The following DGKB variants were observed in gnomAD, a reference collection of about 807,000 sequenced individuals.
DGKB encodes diacylglycerol kinase beta.
Under a neutral mutation model 114.3 loss-of-function variants are expected in DGKB, and 67 were observed. The ratio of observed to expected loss-of-function variants is 0.59; its 90% CI spans 0.48 to 0.72. The LOEUF is 0.72. Among genes scored for constraint, DGKB ranks in the 30% least tolerant of loss-of-function variants. The pLI is 0.00. For missense variants in DGKB, 907 were observed against 975.2 expected, an observed-to-expected ratio of 0.93 and a Z score of 0.93; for synonymous variants, 398 against 323.1, an observed-to-expected ratio of 1.23 and a Z score of -2.49.
At chr7:14,660,809 C>T (rs1003806273) in intron 13 of DGKB, among the ~76,000 whole-genome samples, 3 of 151,984 alleles carry the variant, frequency 2.0e-5, no homozygotes, top group African/African-American at 7.3e-5. Context: ...AACTATACTA[C>T]AAGGCTACAG....
chr7:14,324,342 G>A lies in DGKB; in HGVS notation c.2122+14173C>T, dbSNP rs1048515960. Reference sequence around the variant, plus strand: ...TGCGCCTATAATCCTGGCTACTTGGGAGGCTGAGGCAGGAGAATTGCTTGA... The same window carrying A: ...TGCGCCTATAATCCTGGCTACTTGGAAGGCTGAGGCAGGAGAATTGCTTGA... On this transcript the variant is annotated intron_variant, in intron 23 of 25. Coordinates refer to ENST00000402815, the MANE Select transcript of DGKB (RefSeq NM_001350709.2). 4.0e-5 allele frequency among the ~76,000 whole-genome samples: 6 copies of A among 151,448 alleles called. 1 individual carries two copies. The highest frequency in any genetic ancestry group is 4.2e-4 in the South Asian group (2 of 4,800).
At chr7:14,550,208 T>G (rs112132572) in intron 20 of DGKB, among the ~76,000 whole-genome samples, 119 of 152,282 alleles carry the variant, frequency 7.8e-4, no homozygotes, top group African/African-American at 2.7e-3. Flanking sequence ...CTGCTTAACA[T>G]ACAACTTATT....
intron 13 of DGKB, among the ~76,000 whole-genome samples, chr7:14,648,735 T>G (rs1436077846): frequency 2.0e-5 from 3 of 147,332 alleles, no homozygotes; most frequent in African/African-American, 7.5e-5. Flanking sequence ...GCAAAGAAGT[T>G]GAAAACCTTG....
intron 20 of DGKB, among the ~76,000 whole-genome samples, chr7:14,530,788 G>A (rs1320847645): frequency 1.3e-5 from 2 of 151,392 alleles, no homozygotes; most frequent in African/African-American, 2.4e-5. Context: ...CCACTAATTC[G>A]TTGTTCTTGT....
chr7:14,366,756 T>C (rs1042663236), intron 21 of DGKB, among the ~76,000 whole-genome samples: 1 of 152,158 alleles, frequency 6.6e-6, no homozygotes, highest in African/African-American at 2.4e-5. Context: ...AAAATTAATA[T>C]TAAATATAGA....
intron 16 of DGKB, among the ~76,000 whole-genome samples, chr7:14,610,399 G>T (rs1805327279): frequency 6.6e-6 from 1 of 152,058 alleles, no homozygotes; most frequent in South Asian, 2.1e-4. Context: ...AGAAGTGGAG[G>T]AAGATATGAA....
At chr7:14,356,001 C>T (rs1013363834) in intron 21 of DGKB, among the ~76,000 whole-genome samples, 4 of 152,066 alleles carry the variant, frequency 2.6e-5, no homozygotes, top group Non-Finnish European at 5.9e-5. Flanking sequence ...CTGGTTTAGT[C>T]TTGGGAGGGT....
intron 24 of DGKB, among the ~76,000 whole-genome samples, chr7:14,177,425 G>A (rs191640111): frequency 2.6e-5 from 4 of 151,830 alleles, no homozygotes; most frequent in East Asian, 1.9e-4. Context: ...ATGTGTTGGC[G>A]GGTGCCTGTA....
intron 23 of DGKB, among the ~76,000 whole-genome samples, chr7:14,290,445 A>C (rs1376276659): frequency 1.3e-5 from 2 of 152,066 alleles, no homozygotes; most frequent in African/African-American, 4.8e-5. Flanking sequence ...AAAGAACCCC[A>C]ATGTGTTTGT....
intron 25 of DGKB, among the ~76,000 whole-genome samples, chr7:14,173,642 A>G (rs369845693): frequency 2.0e-5 from 3 of 152,344 alleles, no homozygotes; most frequent in African/African-American, 4.8e-5. Context: ...TTCTGTAAGA[A>G]AAATATTGGG....
intron 21 of DGKB, among the ~76,000 whole-genome samples, chr7:14,405,731 G>T (rs1437545328): frequency 1.3e-5 from 2 of 152,004 alleles, no homozygotes; most frequent in Non-Finnish European, 2.9e-5. Flanking sequence ...CTTTGTATGT[G>T]AGAGAGTAAT....
At chr7:14,394,447 C>G (rs1821917527) in intron 21 of DGKB, among the ~76,000 whole-genome samples, 1 of 152,062 alleles carries the variant, frequency 6.6e-6, no homozygotes, top group African/African-American at 2.4e-5. Context: ...TGAATTGTTG[C>G]TTAAATATTT....
chr7:14,552,034 T>C (rs1466037749), intron 20 of DGKB, among the ~76,000 whole-genome samples: 1 of 152,104 alleles, frequency 6.6e-6, no homozygotes, highest in Non-Finnish European at 1.5e-5. Flanking sequence ...TATCTCTTTT[T>C]GGAGGGCTAA....
intron 21 of DGKB, among the ~76,000 whole-genome samples, chr7:14,354,946 A>C (rs1814161374): frequency 1.3e-5 from 2 of 152,034 alleles, no homozygotes; most frequent in Non-Finnish European, 2.9e-5. Context: ...TGAGAGTGAG[A>C]CTCTGGACTA....
At chr7:14,767,560 T>G (rs1271178324) in intron 2 of DGKB, among the ~76,000 whole-genome samples, 1 of 151,934 alleles carries the variant, frequency 6.6e-6, no homozygotes, top group Non-Finnish European at 1.5e-5. Context: ...TTTCAGATTA[T>G]TCACAATTTT....
At chr7:14,216,674 C>T (rs986716375) in intron 23 of DGKB, among the ~76,000 whole-genome samples, 9 of 138,702 alleles carry the variant, frequency 6.5e-5, no homozygotes, top group Non-Finnish European at 1.4e-4. Context: ...TGCAGTGAAC[C>T]GAGATTGAAA....
chr7:14,261,266 A>G (rs560058143), intron 23 of DGKB, among the ~76,000 whole-genome samples: 40 of 151,894 alleles, frequency 2.6e-4, no homozygotes, highest in Non-Finnish European at 4.9e-4. Context: ...AAGCCAAACT[A>G]TAAATGTTTT....
upstream of DGKB, among the ~76,000 whole-genome samples, chr7:14,906,700 G>A (rs1375119705): frequency 1.3e-5 from 2 of 151,890 alleles, no homozygotes; most frequent in African/African-American, 4.8e-5. Flanking sequence ...ATCCACCCAC[G>A]TTGGCCTCCC....
intron 2 of DGKB, among the ~76,000 whole-genome samples, chr7:14,785,293 A>C (rs1296116854): frequency 6.6e-6 from 1 of 152,182 alleles, no homozygotes; most frequent in Admixed American, 6.5e-5. Context: ...TTTTGTAAAA[A>C]GTATAGAAAA....
Sources: gnomAD v4.1 joint callset for allele counts (sites outside exome capture counted in the v4.1 genomes callset) on GRCh38, gnomAD v4.1.1 for gene constraint, MANE v1.5 for transcripts, NCBI Gene and HGNC (gene_info 2026-07-23, HGNC 2026-07-21) for gene names.